The following CADM2 variants were observed in gnomAD, a reference collection of about 807,000 sequenced individuals.
CADM2 encodes the protein cell adhesion molecule 2.
In CADM2, 12 loss-of-function variants were observed where a neutral mutation model predicts 49.8. That is an observed-to-expected ratio of 0.24 (90% CI 0.15 to 0.39). CADM2 has a LOEUF of 0.39. Ranked by LOEUF, CADM2 falls within the 10% of genes least tolerant of loss-of-function variation. The probability of loss-of-function intolerance (pLI) is 1.00; values close to 1 mark genes in which losing one functional copy is unlikely to be tolerated. For synonymous variants in CADM2, 214 were observed against 175.4 expected (o/e 1.22, Z -1.74); for missense variants, 378 against 492.3 (o/e 0.77, Z 2.20).
intron 1 of CADM2, among the ~76,000 whole-genome samples, chr3:85,033,608 A>C (rs2035081756): frequency 6.6e-6 from 1 of 152,196 alleles, no homozygotes; most frequent in Non-Finnish European, 1.5e-5. Context: ...GGAGCAAATA[A>C]AATGATAGGG....
intron 1 of CADM2, among the ~76,000 whole-genome samples, chr3:85,574,392 A>G (rs2062570694): frequency 1.3e-5 from 2 of 152,214 alleles, no homozygotes; most frequent in African/African-American, 4.8e-5. Flanking sequence ...GTTTGCAAGT[A>G]TGCTTTGCCT....
At chr3:85,408,866 A>G (rs1243381022) in intron 1 of CADM2, among the ~76,000 whole-genome samples, 1 of 152,212 alleles carries the variant, frequency 6.6e-6, no homozygotes, top group East Asian at 1.9e-4. Flanking sequence ...AAGTTTACAA[A>G]TAAACAAGGG....
chr3:85,671,739 G>A (rs561657570), intron 1 of CADM2, among the ~76,000 whole-genome samples: 155 of 152,160 alleles, frequency 1.0e-3, no homozygotes, highest in Middle Eastern at 3.4e-3. Flanking sequence ...TCAGGTATAC[G>A]CATAGCTGAA....
intron 1 of CADM2, among the ~76,000 whole-genome samples, chr3:85,192,283 G>T (rs2041228238): frequency 6.6e-6 from 1 of 152,000 alleles, no homozygotes; most frequent in Non-Finnish European, 1.5e-5. Flanking sequence ...AAAAGTCTTA[G>T]AATTCAATTA....
intron 1 of CADM2, among the ~76,000 whole-genome samples, chr3:85,344,816 T>A (rs1470391636): frequency 6.6e-6 from 1 of 152,212 alleles, no homozygotes; most frequent in African/African-American, 2.4e-5. Flanking sequence ...AATGAATTGT[T>A]ATTATTGGTT....
intron 2 of CADM2, among the ~76,000 whole-genome samples, chr3:85,799,565 G>C (rs932218855): frequency 2.0e-5 from 3 of 152,168 alleles, no homozygotes; most frequent in Non-Finnish European, 4.4e-5. Flanking sequence ...TTATGTGATG[G>C]ATTACATTTA....
intron 1 of CADM2, among the ~76,000 whole-genome samples, chr3:85,645,844 C>T (rs2064866949): frequency 6.6e-6 from 1 of 151,754 alleles, no homozygotes; most frequent in Non-Finnish European, 1.5e-5. Flanking sequence ...AAATGTTGAA[C>T]TCTGGGGAGG....
intron 1 of CADM2, among the ~76,000 whole-genome samples, chr3:85,190,487 A>G (rs2041182968): frequency 6.6e-6 from 1 of 152,140 alleles, no homozygotes; most frequent in Admixed American, 6.6e-5. Flanking sequence ...GTATAGTGTT[A>G]TGAAACTCTA....
chr3:85,898,333 A>T (rs11127912), intron 5 of CADM2, among the ~76,000 whole-genome samples: 48,090 of 151,862 alleles, frequency 0.32, 8,891 homozygotes, highest in East Asian at 0.42. Context: ...TAAATTTTGC[A>T]ATTTATTAAG....
intron 1 of CADM2, among the ~76,000 whole-genome samples, chr3:85,495,161 G>A (rs748028501): frequency 3.0e-4 from 45 of 152,228 alleles, no homozygotes; most frequent in Middle Eastern, 3.4e-3. Flanking sequence ...CAAATAGCCT[G>A]CAAGTAGTTA....
At chr3:85,596,548 A>G (rs1576894378) in intron 1 of CADM2, among the ~76,000 whole-genome samples, 1 of 152,204 alleles carries the variant, frequency 6.6e-6, no homozygotes, top group South Asian at 2.1e-4. Context: ...GCATTCACCC[A>G]TGAAACTATC....
intron 7 of CADM2, among the ~76,000 whole-genome samples, chr3:85,944,310 C>A (rs1369072911): frequency 6.6e-6 from 1 of 152,020 alleles, no homozygotes; most frequent in Non-Finnish European, 1.5e-5. Flanking sequence ...TAGACTCCCA[C>A]ACAATAATAA....
intron 1 of CADM2, among the ~76,000 whole-genome samples, chr3:85,142,808 T>C (rs891141156): frequency 2.6e-5 from 4 of 152,188 alleles, no homozygotes; most frequent in Admixed American, 2.0e-4. Context: ...GCCATGAGAA[T>C]TCCCGCACAG....
At chr3:85,581,319 T>C (rs1576858017) in intron 1 of CADM2, among the ~76,000 whole-genome samples, 1 of 152,078 alleles carries the variant, frequency 6.6e-6, no homozygotes, top group East Asian at 1.9e-4. Context: ...GAAGCTAATG[T>C]CTAGACATTG....
At chr3:85,154,052 A>G (rs1196074763) in intron 1 of CADM2, among the ~76,000 whole-genome samples, 3 of 152,198 alleles carry the variant, frequency 2.0e-5, no homozygotes, top group Admixed American at 6.5e-5. Context: ...CCAAAGGAAC[A>G]CAGTTCCTCA....
At chr3:84,967,298 TA>T (rs1408621764) in intron 1 of CADM2, among the ~76,000 whole-genome samples, 2 of 152,114 alleles carry the variant, frequency 1.3e-5, no homozygotes, top group Non-Finnish European at 2.9e-5. Context: ...CATCAAGGCC[TA>T]AAATTTATAG....
At chr3:84,972,239 G>T (rs534065767) in intron 1 of CADM2, among the ~76,000 whole-genome samples, 5 of 152,266 alleles carry the variant, frequency 3.3e-5, no homozygotes, top group Middle Eastern at 6.8e-3. Flanking sequence ...AGGAACTTAT[G>T]GATGATTGCA....
chr3:85,843,374 C>T (rs970074205), intron 3 of CADM2, among the ~76,000 whole-genome samples: 9 of 151,922 alleles, frequency 5.9e-5, no homozygotes, highest in Admixed American at 5.3e-4. Context: ...TCTCTCTTTC[C>T]TCCTACCCAA....
At chr3:85,410,552 A>T (rs1422216798) in intron 1 of CADM2, among the ~76,000 whole-genome samples, 1 of 152,174 alleles carries the variant, frequency 6.6e-6, no homozygotes, top group South Asian at 2.1e-4. Context: ...GGATTTTTTA[A>T]AAAGGATTTG....
Sources: gnomAD v4.1 joint callset for allele counts (sites outside exome capture counted in the v4.1 genomes callset) on GRCh38, gnomAD v4.1.1 for gene constraint, MANE v1.5 for transcripts, NCBI Gene and HGNC (gene_info 2026-07-23, HGNC 2026-07-21) for gene names.